TNRC6A: variants seen among roughly 807,000 people sequenced by gnomAD.
TNRC6A encodes trinucleotide repeat-containing gene 6A protein.
In TNRC6A, 44 loss-of-function variants were observed where a neutral mutation model predicts 221.2. The ratio of observed to expected loss-of-function variants is 0.20; its 90% confidence interval spans 0.16 to 0.26. TNRC6A has a LOEUF of 0.26. Ranked by LOEUF, TNRC6A falls within the 10% of genes least tolerant of loss-of-function variation. The pLI is 1.00. For synonymous variants in TNRC6A, 847 were observed against 838.5 expected (o/e 1.01, Z -0.18); for missense variants, 2,199 against 2,404.4 (o/e 0.91, Z 1.79).
At position 24,619,229 on chromosome 16, in the gene TNRC6A, A is replaced by G. The variant is rs553051423; in HGVS notation, n.276+8745A>G. On this transcript the variant is annotated intron_variant and non_coding_transcript_variant, in intron 1 of 2. Transcript: ENST00000566108. ...AATATCCCCAGCATCGCTTGGAGTT[A>G]GTGAATTTAGAAAATTCACCTATTA... Among the ~76,000 whole-genome samples, 12 of 152,320 alleles carry G rather than the reference A, an allele frequency of 7.9e-5. No homozygotes were observed. The South Asian group carries it at 2.1e-3, about 26-fold the overall frequency.
chr16:24,786,312 GTTGTTTTGTT>G (rs71383717), intron 5 of TNRC6A, among the ~76,000 whole-genome samples: 14 of 151,248 alleles, frequency 9.3e-5, no homozygotes, highest in African/African-American at 2.9e-4. Flanking sequence ...TGTTGTTGTT[GTTGTTTTGTT>G]TTGTTTTGTT....
intron 2 of TNRC6A, among the ~76,000 whole-genome samples, chr16:24,713,441 CAAACAAACAA>C (rs1308562633): frequency 7.8e-6 from 1 of 127,718 alleles, no homozygotes; most frequent in African/African-American, 3.1e-5. Context: ...AACAAACAAA[CAAACAAACAA>C]AAAAATATAT....
At chr16:24,743,362 C>T (rs2056932493) in intron 2 of TNRC6A, among the ~76,000 whole-genome samples, 1 of 152,064 alleles carries the variant, frequency 6.6e-6, no homozygotes, top group Non-Finnish European at 1.5e-5. Context: ...TACTCTGTCA[C>T]CCAGGCTGGA....
chr16:24,756,808 G>A (rs1457261275), intron 3 of TNRC6A, among the ~76,000 whole-genome samples: 2 of 152,098 alleles, frequency 1.3e-5, no homozygotes, highest in Non-Finnish European at 2.9e-5. Flanking sequence ...GTTTTTATGT[G>A]GTCATTGTTT....
chr16:24,818,581 T>TC lies in TNRC6A; in HGVS notation c.4973-7dup, dbSNP rs1467830897. ...TTGCTCTGGTGGCTGATTGGACTCT[T>TC]CCCCCACACAGGGTCATCCTCATCC... On this transcript the variant is annotated splice_polypyrimidine_tract_variant and intron_variant, in intron 20 of 24. Coordinates refer to ENST00000395799, the MANE Select transcript of TNRC6A (RefSeq NM_014494.4). The TC allele has an allele frequency of 1.9e-6, 3 of 1,611,452 alleles. No homozygotes were observed. Among genetic ancestry groups the TC allele is most frequent in the African/African-American group, 1.3e-5 (1 of 74,858 alleles).
At chr16:24,644,152 T>G (rs190496205) in intron 2 of TNRC6A, among the ~76,000 whole-genome samples, 1 of 134,336 alleles carries the variant, frequency 7.4e-6, no homozygotes, top group East Asian at 2.3e-4. Context: ...AGTGGCGCGA[T>G]CTTGGCTCAC....
intron 2 of TNRC6A, among the ~76,000 whole-genome samples, chr16:24,674,587 CG>C (rs1312260663): frequency 6.6e-6 from 1 of 151,882 alleles, no homozygotes; most frequent in African/African-American, 2.4e-5. Context: ...TCCGTTGCAA[CG>C]GAGTTCCACA....
intron 2 of TNRC6A, among the ~76,000 whole-genome samples, chr16:24,647,177 C>A (rs1301137053): frequency 1.3e-5 from 2 of 152,088 alleles, no homozygotes; most frequent in Non-Finnish European, 2.9e-5. Flanking sequence ...AGCAATCTGC[C>A]CACCTTGGCC....
chr16:24,769,863 C>T (rs555064115), intron 4 of TNRC6A, among the ~76,000 whole-genome samples: 5 of 152,220 alleles, frequency 3.3e-5, no homozygotes, highest in Non-Finnish European at 7.4e-5. Flanking sequence ...TGCATAGATC[C>T]AGTCACTTTG....
intron 2 of TNRC6A, among the ~76,000 whole-genome samples, chr16:24,704,080 A>G (rs1345702542): frequency 7.8e-5 from 7 of 90,246 alleles, no homozygotes; most frequent in African/African-American, 5.0e-4. Context: ...GAGACCTTGT[A>G]TCAAAAAAAA....
At chr16:24,753,498 G>C (rs997046737) in intron 3 of TNRC6A, among the ~76,000 whole-genome samples, 5 of 152,176 alleles carry the variant, frequency 3.3e-5, no homozygotes, top group African/African-American at 1.2e-4. Flanking sequence ...GCTTACAACT[G>C]AATTTGAATA....
At chr16:24,673,912 T>C (rs1182896725) in intron 2 of TNRC6A, among the ~76,000 whole-genome samples, 2 of 152,146 alleles carry the variant, frequency 1.3e-5, no homozygotes, top group Non-Finnish European at 2.9e-5. Flanking sequence ...AGTGATACAG[T>C]TGTCAATGAC....
intron 3 of TNRC6A, among the ~76,000 whole-genome samples, chr16:24,751,842 A>G (rs2057143539): frequency 6.6e-6 from 1 of 152,180 alleles, no homozygotes; most frequent in African/African-American, 2.4e-5. Flanking sequence ...ACAGAGAGAG[A>G]GGTGCATAAC....
chr16:24,624,254 T>G (rs145048375), intron 1 of TNRC6A, among the ~76,000 whole-genome samples: 55 of 152,208 alleles, frequency 3.6e-4, no homozygotes, highest in Non-Finnish European at 7.2e-4. Flanking sequence ...AAATCTCTGC[T>G]CTCGTCACAT....
intron 2 of TNRC6A, among the ~76,000 whole-genome samples, chr16:24,642,661 T>C (rs936065982): frequency 1.3e-5 from 2 of 151,684 alleles, no homozygotes; most frequent in African/African-American, 2.4e-5. Context: ...CTACTAAAAA[T>C]ACAAAAAAAT....
At chr16:24,814,133 G>A (rs535144222) in intron 18 of TNRC6A, among the ~76,000 whole-genome samples, 5 of 152,294 alleles carry the variant, frequency 3.3e-5, no homozygotes, top group African/African-American at 4.8e-5. Flanking sequence ...GCCCACCAGC[G>A]AGAGGTGTGA....
At chr16:24,695,770 G>A (rs1158259609) in intron 2 of TNRC6A, among the ~76,000 whole-genome samples, 1 of 152,176 alleles carries the variant, frequency 6.6e-6, no homozygotes, top group East Asian at 1.9e-4. Context: ...TTTCACGGGT[G>A]TTTCAAGCAA....
At chr16:24,781,080 C>T (rs914647182) in intron 5 of TNRC6A, among the ~76,000 whole-genome samples, 6 of 98,844 alleles carry the variant, frequency 6.1e-5, no homozygotes, top group Non-Finnish European at 1.0e-4. Context: ...GAGGAGACAG[C>T]GTCTTACTTT....
intron 14 of TNRC6A, chr16:24,805,358 A>G: frequency 1.0e-6 from 1 of 969,130 alleles, no homozygotes; most frequent in Non-Finnish European, 1.5e-6. Flanking sequence ...TCTTCTTTAA[A>G]ACATTCTTGA....
Sources: allele counts gnomAD v4.1 joint callset (sites outside exome capture counted in the v4.1 genomes callset), GRCh38; gene constraint gnomAD v4.1.1; transcripts MANE v1.5; gene names NCBI Gene and HGNC (gene_info 2026-07-23, HGNC 2026-07-21).